The following ADISSP variants were observed in gnomAD, a reference collection of about 807,000 sequenced individuals.
ADISSP encodes adipose-secreted signaling protein.
chr20:3,761,165 C>G, the ADISSP span, among the ~76,000 whole-genome samples: 18,916 of 152,092 alleles, frequency 0.12, 1,253 homozygotes, highest in South Asian at 0.16. Flanking sequence ...AGAATTCTTG[C>G]TAATAAATAA....
the ADISSP span, among the ~76,000 whole-genome samples, chr20:3,761,386 G>T: frequency 6.6e-6 from 1 of 151,856 alleles, no homozygotes; most frequent in African/African-American, 2.4e-5. Context: ...CCCAGGCTGG[G>T]ATGCAATGGC....
At chr20:3,765,481 C>G in the ADISSP span, among the ~76,000 whole-genome samples, 1 of 152,230 alleles carries the variant, frequency 6.6e-6, no homozygotes, top group Non-Finnish European at 1.5e-5. Context: ...AAGCAGTGGC[C>G]TCTTCCTTCC....
chr20:3,758,265 C>T, the ADISSP span, among the ~76,000 whole-genome samples: 4 of 152,216 alleles, frequency 2.6e-5, no homozygotes, highest in Non-Finnish European at 5.9e-5. The surrounding 1 kb of genome is among the most constrained non-coding windows in gnomAD (Gnocchi z 5.5). Flanking sequence ...AGGCCACTGG[C>T]ACCACAGCCA....
the ADISSP span, among the ~76,000 whole-genome samples, chr20:3,759,191 G>A: frequency 6.6e-6 from 1 of 152,174 alleles, no homozygotes; most frequent in East Asian, 1.9e-4. The surrounding 1 kb of genome is among the most constrained non-coding windows in gnomAD (Gnocchi z 4.6). Context: ...TGGGGTGGCA[G>A]AAACAGGGGG....
the ADISSP span, chr20:3,754,091 G>C: frequency 3.1e-6 from 5 of 1,613,506 alleles, no homozygotes; most frequent in Non-Finnish European, 4.2e-6. Context: ...TGTGCTCTGA[G>C]TCGTATTCCA....
chr20:3,759,714 GA>G, the ADISSP span, among the ~76,000 whole-genome samples: 3 of 152,054 alleles, frequency 2.0e-5, no homozygotes, highest in Non-Finnish European at 4.4e-5. The surrounding 1 kb of genome is among the most constrained non-coding windows in gnomAD (Gnocchi z 4.6). Flanking sequence ...GACTCTGAAA[GA>G]AACCCAAACT....
At chr20:3,759,231 C>T in the ADISSP span, among the ~76,000 whole-genome samples, 6 of 152,204 alleles carry the variant, frequency 3.9e-5, no homozygotes, top group South Asian at 6.2e-4. The surrounding 1 kb of genome is among the most constrained non-coding windows in gnomAD (Gnocchi z 4.6). Flanking sequence ...GCCACCTGGG[C>T]GAGGCTGCAG....
chr20:3,758,624 C>T, the ADISSP span: 3 of 1,614,010 alleles, frequency 1.9e-6, no homozygotes, highest in South Asian at 3.3e-5. This position sits in a 1 kb window ranked among gnomAD's most constrained non-coding sequence, Gnocchi z 5.5. Context: ...GCTGTGGGAT[C>T]CTTCTGCATC....
the ADISSP span, among the ~76,000 whole-genome samples, chr20:3,766,901 C>T: frequency 1.3e-5 from 2 of 152,182 alleles, no homozygotes; most frequent in East Asian, 3.9e-4. Context: ...GGAGACTTCC[C>T]TTTCTCAGTC....
the ADISSP span, among the ~76,000 whole-genome samples, chr20:3,765,456 G>A: frequency 6.6e-6 from 1 of 152,184 alleles, no homozygotes; most frequent in African/African-American, 2.4e-5. Context: ...GTTTCCTAAT[G>A]TGTAACACAG....
the ADISSP span, among the ~76,000 whole-genome samples, chr20:3,759,009 G>C: frequency 1.3e-5 from 2 of 152,168 alleles, no homozygotes; most frequent in Non-Finnish European, 1.5e-5. The surrounding 1 kb of genome is among the most constrained non-coding windows in gnomAD (Gnocchi z 4.6). Context: ...GGCAGCGTGG[G>C]ACTCAGCCCA....
chr20:3,764,284 C>T, the ADISSP span, among the ~76,000 whole-genome samples: 1 of 152,250 alleles, frequency 6.6e-6, no homozygotes, highest in Non-Finnish European at 1.5e-5. Context: ...TCCTCAAGGT[C>T]CCCCCATCTC....
chr20:3,758,003 C>T, the ADISSP span, among the ~76,000 whole-genome samples: 5 of 144,606 alleles, frequency 3.5e-5, no homozygotes, highest in Admixed American at 7.1e-5. The surrounding 1 kb of genome is among the most constrained non-coding windows in gnomAD (Gnocchi z 5.5). Flanking sequence ...TCCAGCTCCA[C>T]CAAGCAGAAA....
At chr20:3,758,611 G>T in the ADISSP span, 5 of 1,613,956 alleles carry the variant, frequency 3.1e-6, no homozygotes. This position sits in a 1 kb window ranked among gnomAD's most constrained non-coding sequence, Gnocchi z 5.5. Context: ...CAAAGTGGAC[G>T]TGGCTGTGGG....
chr20:3,756,995 A>G, the ADISSP span, among the ~76,000 whole-genome samples: 1 of 147,944 alleles, frequency 6.8e-6, no homozygotes, highest in Non-Finnish European at 1.5e-5. Context: ...TTTTTAAAAT[A>G]AGCTGGATCC....
At chr20:3,756,248 C>G in the ADISSP span, among the ~76,000 whole-genome samples, 1 of 152,254 alleles carries the variant, frequency 6.6e-6, no homozygotes, top group Non-Finnish European at 1.5e-5. Flanking sequence ...CCTGCTGGCA[C>G]TGGACTGGGG....
At chr20:3,755,644 C>T in the ADISSP span, 1 of 1,567,430 alleles carries the variant, frequency 6.4e-7, no homozygotes, top group Non-Finnish European at 8.7e-7. Context: ...GGCACCTTCA[C>T]TTCCTGCTTC....
At chr20:3,754,532 A>C in the ADISSP span, 2 of 1,604,608 alleles carry the variant, frequency 1.2e-6, no homozygotes, top group Non-Finnish European at 1.7e-6. Flanking sequence ...GCCCGGGGAC[A>C]GGGGCAATTG....
the ADISSP span, among the ~76,000 whole-genome samples, chr20:3,757,733 ATTC>A: frequency 2.0e-5 from 3 of 152,134 alleles, no homozygotes; most frequent in African/African-American, 7.2e-5. Context: ...GGTTCAAGCA[ATTC>A]TTCTGCCTCA....
Sources: allele counts gnomAD v4.1 joint callset (sites outside exome capture counted in the v4.1 genomes callset), GRCh38; gene constraint gnomAD v4.1.1; non-coding constraint Gnocchi (gnomAD v3.1); transcripts MANE v1.5; gene names NCBI Gene and HGNC (gene_info 2026-07-23, HGNC 2026-07-21).